TCF12: variants seen among roughly 807,000 people sequenced by gnomAD.
TCF12 encodes the protein transcription factor 12.
In TCF12, 45 loss-of-function variants were observed where a neutral mutation model predicts 86.0. The ratio of observed to expected loss-of-function variants is 0.52; its 90% CI spans 0.41 to 0.67. TCF12 has a LOEUF of 0.67. Among genes scored for constraint, TCF12 ranks in the 30% least tolerant of loss-of-function variants. TCF12 has a pLI of 0.00. For missense variants in TCF12, 881 were observed against 859.9 expected, an observed-to-expected ratio of 1.02 and a Z score of -0.31; for synonymous variants, 330 against 299.6, an observed-to-expected ratio of 1.10 and a Z score of -1.05.
intron 3 of TCF12, among the ~76,000 whole-genome samples, chr15:57,042,656 C>G (rs777997878): frequency 6.6e-6 from 1 of 152,138 alleles, no homozygotes; most frequent in Non-Finnish European, 1.5e-5. Flanking sequence ...TCAAGTGACC[C>G]TCCTGCCTCT....
intron 3 of TCF12, among the ~76,000 whole-genome samples, chr15:57,035,469 G>C (rs77424945): frequency 0.013 from 1,968 of 152,218 alleles, 49 homozygotes; most frequent in African/African-American, 0.041. Flanking sequence ...ATCTCACTAT[G>C]TTGTGTAGGC....
At chr15:57,019,935 A>G (rs2065376166) in intron 3 of TCF12, among the ~76,000 whole-genome samples, 1 of 152,120 alleles carries the variant, frequency 6.6e-6, no homozygotes, top group African/African-American at 2.4e-5. Context: ...GGGGACTGTT[A>G]TCATCCTTGC....
intron 5 of TCF12, among the ~76,000 whole-genome samples, chr15:57,165,736 C>A (rs778504754): frequency 1.3e-5 from 2 of 151,928 alleles, no homozygotes; most frequent in African/African-American, 2.4e-5. Flanking sequence ...CAGGGTTTCA[C>A]CTTGTTAGCC....
intron 5 of TCF12, among the ~76,000 whole-genome samples, chr15:57,115,689 T>C (rs1454587172): frequency 6.6e-6 from 1 of 152,194 alleles, no homozygotes; most frequent in Non-Finnish European, 1.5e-5. Flanking sequence ...TAATATATTA[T>C]TATAAATTAG....
At chr15:57,099,805 G>A (rs1214883904) in intron 5 of TCF12, among the ~76,000 whole-genome samples, 1 of 151,706 alleles carries the variant, frequency 6.6e-6, no homozygotes, top group Non-Finnish European at 1.5e-5. Flanking sequence ...TTCAACAGAA[G>A]ATTGATCAAA....
intron 4 of TCF12, among the ~76,000 whole-genome samples, chr15:57,079,690 G>A (rs567350269): frequency 1.3e-5 from 2 of 152,252 alleles, no homozygotes; most frequent in Admixed American, 6.5e-5. Flanking sequence ...GTTCTCTAAC[G>A]TGGTTAGAGA....
intron 3 of TCF12, among the ~76,000 whole-genome samples, chr15:56,931,529 T>A (rs1246006190): frequency 2.0e-5 from 3 of 152,204 alleles, no homozygotes; most frequent in African/African-American, 7.2e-5. Flanking sequence ...AAAATCCTAA[T>A]CATCTTCAAG....
chr15:56,944,862 TAA>T (rs1283719865), intron 3 of TCF12, among the ~76,000 whole-genome samples: 2 of 152,166 alleles, frequency 1.3e-5, no homozygotes, highest in Non-Finnish European at 2.9e-5. Flanking sequence ...TTTGATATAT[TAA>T]GAGATTCTAT....
At chr15:56,988,455 A>T (rs1380676789) in intron 3 of TCF12, among the ~76,000 whole-genome samples, 1 of 152,220 alleles carries the variant, frequency 6.6e-6, no homozygotes, top group African/African-American at 2.4e-5. Context: ...GGGACCTGTC[A>T]TATATGTAGT....
chr15:57,008,830 A>G (rs149274466), intron 3 of TCF12, among the ~76,000 whole-genome samples: 5 of 152,292 alleles, frequency 3.3e-5, no homozygotes, highest in Non-Finnish European at 7.3e-5. Context: ...TAGATAATGC[A>G]AAATTGCAAT....
chr15:57,192,212 T>A lies in TCF12; in HGVS notation c.445T>A (p.Ser149Thr), dbSNP rs772560602. The A allele has an allele frequency of 6.2e-7, 1 of 1,614,104 alleles. No individual in the cohort carries two copies. The highest frequency in any genetic ancestry group is 1.1e-5 in the South Asian group (1 of 91,082). Reference sequence around the variant, plus strand: ...TGGGAGCCCAGCACAGCTATCTTCTTCAGGAAAACCTGGGACAGCATACTA... The same window carrying A: ...TGGGAGCCCAGCACAGCTATCTTCTACAGGAAAACCTGGGACAGCATACTA... Reference protein sequence around the residue: ...GLGSPAQLSSSGKPGTAYYSF... With the variant: ...GLGSPAQLSSTGKPGTAYYSF... Residue 149 changes from serine (S) to threonine (T), a missense_variant, in exon 7 of 21, where the codon TCA (serine) becomes ACA (threonine). Ser to Thr is a moderately conservative substitution (Grantham distance 58). This residue lies in a region of TCF12 where 766 missense variants were observed against 718.9 expected (regional missense o/e 1.07). Transcript: ENST00000333725.
chr15:56,954,067 A>G (rs2061398965), intron 3 of TCF12, among the ~76,000 whole-genome samples: 1 of 151,742 alleles, frequency 6.6e-6, no homozygotes, highest in Admixed American at 6.6e-5. Flanking sequence ...ATTTTCTCCT[A>G]AGTTCAGCTT....
intron 3 of TCF12, among the ~76,000 whole-genome samples, chr15:57,029,288 G>A (rs2066006265): frequency 6.6e-6 from 1 of 151,554 alleles, no homozygotes; most frequent in Non-Finnish European, 1.5e-5. Flanking sequence ...ACATGTATTT[G>A]ATTCTATTTC....
At chr15:56,994,550 G>GA (rs370076470) in intron 3 of TCF12, among the ~76,000 whole-genome samples, 1 of 151,912 alleles carries the variant, frequency 6.6e-6, no homozygotes, top group Non-Finnish European at 1.5e-5. Flanking sequence ...CTAAAAACAA[G>GA]AAAAAAACTA....
intron 3 of TCF12, among the ~76,000 whole-genome samples, chr15:57,048,242 G>C (rs540200123): frequency 6.6e-6 from 1 of 150,764 alleles, no homozygotes; most frequent in African/African-American, 2.5e-5. Flanking sequence ...AAGTTTTTTT[G>C]TTTGTTTGTT....
At chr15:57,146,955 A>C (rs1477669150) in intron 5 of TCF12, among the ~76,000 whole-genome samples, 1 of 152,198 alleles carries the variant, frequency 6.6e-6, no homozygotes, top group Non-Finnish European at 1.5e-5. Flanking sequence ...GTTGGGATAA[A>C]GATTGAACTG....
At chr15:57,218,251 T>G (rs1028262535) in intron 8 of TCF12, among the ~76,000 whole-genome samples, 1 of 152,148 alleles carries the variant, frequency 6.6e-6, no homozygotes, top group Non-Finnish European at 1.5e-5. Context: ...CTCCTCTGAT[T>G]AATACAATCC....
At chr15:57,108,664 G>A (rs577305441) in intron 5 of TCF12, among the ~76,000 whole-genome samples, 2 of 151,846 alleles carry the variant, frequency 1.3e-5, no homozygotes, top group South Asian at 4.2e-4. Context: ...TTGGTGTGGG[G>A]GTGAGGGACA....
At chr15:57,011,020 G>T (rs1196556408) in intron 3 of TCF12, among the ~76,000 whole-genome samples, 3 of 152,040 alleles carry the variant, frequency 2.0e-5, no homozygotes, top group African/African-American at 7.2e-5. Context: ...GTTTGTGCTG[G>T]CTTTCTACTG....
Sources: gnomAD v4.1 joint callset for allele counts (sites outside exome capture counted in the v4.1 genomes callset) on GRCh38, gnomAD v4.1.1 for gene constraint, gnomAD v4.1.1 regional missense constraint, MANE v1.5 for transcripts, NCBI Gene and HGNC (gene_info 2026-07-23, HGNC 2026-07-21) for gene names.